The following SPARCL1 variants were observed in gnomAD, a reference collection of about 807,000 sequenced individuals.
SPARCL1 encodes SPARC like 1.
A neutral mutation model predicts 67.1 loss-of-function variants in SPARCL1; 52 were observed. The observed-to-expected ratio is 0.78, with a 90% CI of 0.62 to 0.98. The LOEUF (loss-of-function observed/expected upper bound fraction) is 0.98. SPARCL1 is among the 50% of genes least tolerant of loss of function. The probability of loss-of-function intolerance (pLI) is 0.00; values close to 1 mark genes in which losing one functional copy is unlikely to be tolerated. For missense variants in SPARCL1, 717 were observed against 782.4 expected (o/e 0.92, Z 1.00); for synonymous variants, 226 against 267.8 (o/e 0.84, Z 1.52).
At chr4:87,494,858 G>T in intron 3 of SPARCL1, 123 bp downstream of exon 3, 1 of 905,594 alleles carries the variant, frequency 1.1e-6, no homozygotes, top group Non-Finnish European at 1.6e-6. Context: ...CAGTTGAGGT[G>T]ATCATCATGT....
chr4:87,488,442 T>A (rs1354992968), intron 7 of SPARCL1, among the ~76,000 whole-genome samples: 1 of 152,146 alleles, frequency 6.6e-6, no homozygotes, highest in African/African-American at 2.4e-5. Context: ...CAGCAAACAT[T>A]GCTGCCTGTT....
chr4:87,493,671 T>A lies in SPARCL1; in HGVS notation c.1129A>T (p.Ile377Phe). 6.2e-7 allele frequency: 1 copy of A among 1,614,162 alleles called. No homozygotes were observed. The highest frequency in any genetic ancestry group is 8.5e-7 in the Non-Finnish European group (1 of 1,180,020). ...AFLEAERAQSIAYHLKIEEQR... is the reference protein window; with the variant it reads ...AFLEAERAQSFAYHLKIEEQR... ...TCCTCAATTTTGAGGTGATAGGCAA[T>A]GGATTGAGCTCTCTCGGCCTCCAGA... Residue 377 changes from isoleucine (I) to phenylalanine (F), a missense_variant, in exon 4 of 11, where the codon ATT becomes TTT. Physicochemically the swap from Ile to Phe is conservative, Grantham distance 21. Transcript: ENST00000282470.
At chr4:87,504,813 G>A (rs1725008399) in intron 1 of SPARCL1, 1 of 152,112 alleles carries the variant, frequency 6.6e-6, no homozygotes, top group South Asian at 2.1e-4. Flanking sequence ...GGAGTAAGAT[G>A]GTACGTACTT....
chr4:87,510,312 G>A (rs959137964), intron 1 of SPARCL1, among the ~76,000 whole-genome samples: 2 of 152,130 alleles, frequency 1.3e-5, no homozygotes, highest in Non-Finnish European at 2.9e-5. Context: ...ACAGGGGCGG[G>A]TCGCTGGCAA....
In SPARCL1 at chr4:87,491,952, C is replaced by G. The variant is rs1304398557; in HGVS notation, c.1219-262G>C. Among the ~76,000 whole-genome samples the G allele has an allele frequency of 2.2e-4, 22 of 99,422 alleles. No individual in the cohort carries two copies. In the South Asian group the frequency reaches 2.9e-3, roughly 13 times the overall value. 65.2% of individuals were successfully genotyped at this position (99,422 alleles called of 152,430 possible). A position where few individuals can be genotyped will look rare whatever the true frequency, so the allele number is the denominator to read the frequency against. On this transcript the variant is annotated intron_variant, in intron 4 of 10. Transcript: ENST00000282470. ...AAACTCCATCTCTACCCACCCCCCC[C>G]CCCAAAAAAAAAAAAATTAGCTGGG... is the stretch of plus-strand genomic sequence containing the variant.
intron 2 of SPARCL1, among the ~76,000 whole-genome samples, chr4:87,498,285 T>C (rs1560821159): frequency 6.6e-6 from 1 of 152,226 alleles, no homozygotes; most frequent in Non-Finnish European, 1.5e-5. Flanking sequence ...CAAGAACAGC[T>C]TGGTCTGGGT....
intron 10 of SPARCL1, among the ~76,000 whole-genome samples, chr4:87,476,343 A>G (rs937534740): frequency 1.3e-5 from 2 of 152,168 alleles, no homozygotes; most frequent in African/African-American, 4.8e-5. Context: ...CTTAAAATAT[A>G]TCTTGAATAT....
intron 1 of SPARCL1, 58 bp from the exon 2 acceptor site, chr4:87,499,643 A>G (rs1724768660): frequency 2.4e-6 from 3 of 1,251,556 alleles, no homozygotes; most frequent in Non-Finnish European, 3.4e-6. Context: ...TGAAAAACTG[A>G]AAGATAGTCT....
intron 1 of SPARCL1, among the ~76,000 whole-genome samples, chr4:87,503,780 G>A (rs1318315737): frequency 6.7e-6 from 1 of 150,136 alleles, no homozygotes; most frequent in African/African-American, 2.5e-5. Flanking sequence ...CTAGGCTCAA[G>A]TGATTCTCAT....
chr4:87,501,947 T>G (rs144518672), intron 1 of SPARCL1, among the ~76,000 whole-genome samples: 1,940 of 151,034 alleles, frequency 0.013, 19 homozygotes, highest in Non-Finnish European at 0.021. Flanking sequence ...TTTCTCACTT[T>G]TACCTTACAT....
chr4:87,518,771 G>C (rs1336668391), intron 1 of SPARCL1, among the ~76,000 whole-genome samples: 1 of 138,856 alleles, frequency 7.2e-6, no homozygotes, highest in Admixed American at 7.6e-5. Flanking sequence ...CAACAGGGAA[G>C]AAAAAGAGAG....
At chr4:87,475,528 T>C (rs1024951272) in intron 10 of SPARCL1, among the ~76,000 whole-genome samples, 1 of 152,206 alleles carries the variant, frequency 6.6e-6, no homozygotes, top group African/African-American at 2.4e-5. Flanking sequence ...GGAGAATTAA[T>C]TCCCTTCCCT....
At position 87,494,068 on chromosome 4, in the gene SPARCL1, CAA is replaced by C; in HGVS notation, c.730_731del (p.Leu244GlyfsTer4). On this transcript the variant is annotated frameshift_variant, in exon 4 of 11. Transcript: ENST00000282470. LOFTEE classifies it high-confidence loss of function. ...EEDNTQSDDI[L>X]EESDQPTQVS... is the part of the protein sequence containing the mutation. ...CTTGAGTTGGTTGATCAGACTCTTC[CAA>C]AATATCATCAGATTGGGTATTGTCT... 1.2e-6 allele frequency: 2 copies of C among 1,613,984 alleles called. No homozygotes were observed. The highest frequency in any genetic ancestry group is 1.7e-6 in the Non-Finnish European group (2 of 1,180,022).
chr4:87,482,678 T>G, intron 7 of SPARCL1, 118 bp from the exon 8 acceptor site: 4 of 1,064,218 alleles, frequency 3.8e-6, no homozygotes, highest in Non-Finnish European at 5.5e-6. Context: ...AGGTCCCCAT[T>G]ATTATGACAG....
chr4:87,495,567 T>G (rs1724582441), intron 2 of SPARCL1, among the ~76,000 whole-genome samples: 1 of 152,186 alleles, frequency 6.6e-6, no homozygotes, highest in South Asian at 2.1e-4. Flanking sequence ...GCAGAAAAAT[T>G]TATAAACTTT....
chr4:87,494,175 C>G lies in SPARCL1; in HGVS notation c.625G>C (p.Gly209Arg). The part of the protein sequence containing the change: ...NGEEEEEKEP[G>R]EVGTHNDNQE... ...TTATCATTGTGGGTACCAACTTCAC[C>G]TGGCTCTTTTTCTTCTTCCTCTTCT... The change falls in exon 4 of 11, where the codon GGT (glycine) becomes CGT (arginine). Residue 209 changes from glycine (G) to arginine (R), a missense_variant. Coordinates refer to ENST00000282470, the MANE Select transcript of SPARCL1 (RefSeq NM_004684.6). The G allele has an allele frequency of 1.2e-6, 2 of 1,613,894 alleles. No homozygotes were observed. The highest frequency in any genetic ancestry group is 1.7e-6 in the Non-Finnish European group (2 of 1,180,014).
At chr4:87,513,502 G>A (rs1269726699) in intron 1 of SPARCL1, among the ~76,000 whole-genome samples, 1 of 152,146 alleles carries the variant, frequency 6.6e-6, no homozygotes, top group African/African-American at 2.4e-5. Context: ...TATATAGGAT[G>A]GGAATACCAG....
chr4:87,483,373 G>T lies in SPARCL1; in HGVS notation c.1532-813C>A, dbSNP rs145355623. ...GTTCCTGTGTTAGTTTGCTGAGAAT[G>T]ATGGTTTCCAGCTTCATCCATGTCT... On this transcript the variant is annotated intron_variant, in intron 7 of 10. Transcript: ENST00000282470. 5.8e-3 allele frequency among the ~76,000 whole-genome samples: 881 copies of T among 152,248 alleles called. 1 individual carries two copies. The highest frequency in any genetic ancestry group is 0.014 in the Middle Eastern group (4 of 294).
At chr4:87,521,614 T>C (rs988071276) in intron 1 of SPARCL1, among the ~76,000 whole-genome samples, 1 of 152,222 alleles carries the variant, frequency 6.6e-6, no homozygotes, top group African/African-American at 2.4e-5. Context: ...CCTTCCCTTC[T>C]GGGCCTAGGG....
Sources: gnomAD v4.1 joint callset for allele counts (sites outside exome capture counted in the v4.1 genomes callset) on GRCh38, gnomAD v4.1.1 for gene constraint, MANE v1.5 for transcripts, NCBI Gene and HGNC (gene_info 2026-07-23, HGNC 2026-07-21) for gene names.